MYO3A: variants seen among roughly 807,000 people sequenced by gnomAD.
MYO3A encodes the protein myosin IIIA.
MYO3A carries 180 observed loss-of-function variants against 192.7 expected under a neutral mutation model. The observed-to-expected ratio is 0.93, with a 90% CI of 0.83 to 1.06. The LOEUF (loss-of-function observed/expected upper bound fraction) is 1.06. Ranked by LOEUF, MYO3A falls within the 50% of genes least tolerant of loss-of-function variation. MYO3A has a pLI of 0.00. For missense variants in MYO3A, 1,896 were observed against 1,905.0 expected (o/e 1.00, Z 0.09); for synonymous variants, 628 against 645.3 (o/e 0.97, Z 0.41).
At chr10:26,199,277 G>A (rs979408806) in intron 32 of MYO3A, among the ~76,000 whole-genome samples, 6 of 152,168 alleles carry the variant, frequency 3.9e-5, no homozygotes, top group Non-Finnish European at 5.9e-5. Context: ...ACAAGGCCAC[G>A]CGCAGCGGCT....
Position 26,093,911 on chromosome 10 carries a change from C to T in MYO3A, c.1563-2470C>T, listed in dbSNP as rs558815154. On this transcript the variant is annotated intron_variant, in intron 15 of 34. Coordinates refer to ENST00000642920, the MANE Select transcript of MYO3A (RefSeq NM_017433.5). ...CCTTTTCTTTTGGAATGGAACTATC[C>T]TTCTCTAGTTATATAAGACCCCCCG... Among the ~76,000 whole-genome samples the T allele has an allele frequency of 4.6e-5, 7 of 152,202 alleles. No individual in the cohort carries two copies. In the South Asian group the frequency reaches 1.5e-3, roughly 32 times the overall value.
chr10:25,979,122 A>G (rs1839140063), intron 4 of MYO3A, among the ~76,000 whole-genome samples: 1 of 152,154 alleles, frequency 6.6e-6, no homozygotes, highest in African/African-American at 2.4e-5. Context: ...TTCTGAAGAG[A>G]GCAACTCACT....
At chr10:26,133,348 G>A (rs1839647139) in intron 20 of MYO3A, among the ~76,000 whole-genome samples, 1 of 152,178 alleles carries the variant, frequency 6.6e-6, no homozygotes, top group Non-Finnish European at 1.5e-5. Flanking sequence ...TGATGTCCAC[G>A]TGGTTGGTTG....
intron 7 of MYO3A, among the ~76,000 whole-genome samples, chr10:26,020,996 C>G (rs962140871): frequency 6.6e-6 from 1 of 152,192 alleles, no homozygotes; most frequent in Non-Finnish European, 1.5e-5. Context: ...TTCCTCCAAA[C>G]TTGTCTTATT....
chr10:26,135,699 G>A (rs1299905920), intron 20 of MYO3A, among the ~76,000 whole-genome samples: 1 of 152,098 alleles, frequency 6.6e-6, no homozygotes, highest in Non-Finnish European at 1.5e-5. Flanking sequence ...ACTCGACCGG[G>A]CGCAGTGGCT....
At chr10:26,170,605 A>G (rs756754547) in intron 29 of MYO3A, 66 bp downstream of exon 29, 6 of 1,522,782 alleles carry the variant, frequency 3.9e-6, no homozygotes, top group Admixed American at 1.9e-5. Context: ...AGGTCATAGA[A>G]TAATGTTCAC....
In MYO3A at chr10:26,145,529, G is replaced by A. The variant is rs1840411541; in HGVS notation, c.2500G>A (p.Gly834Arg). ...ELSFGIHHYA[G>R]KVLYNASGFL... Reference sequence around the variant, plus strand: ...TAGTTTTGGAATTCACCATTATGCAGGAAAGGTAAGAACTCTAAAGAATTA... The same window carrying A: ...TAGTTTTGGAATTCACCATTATGCAAGAAAGGTAAGAACTCTAAAGAATTA... Residue 834 changes from glycine to arginine, a missense_variant, in exon 22 of 35, where the codon GGA (glycine) becomes AGA (arginine). Coordinates refer to ENST00000642920, the MANE Select transcript of MYO3A (RefSeq NM_017433.5). The A allele has an allele frequency of 1.4e-5, 22 of 1,584,540 alleles. No homozygotes were observed. The highest frequency in any genetic ancestry group is 1.8e-5 in the Non-Finnish European group (21 of 1,153,240).
intron 6 of MYO3A, among the ~76,000 whole-genome samples, chr10:26,015,956 A>G (rs1267699412): frequency 1.3e-5 from 2 of 152,082 alleles, no homozygotes; most frequent in Admixed American, 1.3e-4. Context: ...GACTTTGGGG[A>G]GGCACTTTTC....
intron 17 of MYO3A, among the ~76,000 whole-genome samples, chr10:26,107,412 CA>C (rs1464097842): frequency 6.9e-6 from 1 of 144,750 alleles, no homozygotes; most frequent in Non-Finnish European, 1.5e-5. Context: ...ACCCGGGAAG[CA>C]GAGGTTGCAA....
Position 26,125,501 on chromosome 10 carries a change from A to G in MYO3A, c.2007A>G (p.Glu669=), listed in dbSNP as rs1839166149. 6.2e-7 allele frequency: 1 copy of G among 1,614,106 alleles called. No individual in the cohort carries two copies. ...CAATTATACGACCCAATACTGTAGAAAAAGCTACCGATGTCAGGGATGCCA... is the reference window on the plus strand; with the variant it reads ...CAATTATACGACCCAATACTGTAGAGAAAGCTACCGATGTCAGGGATGCCA... ...GETIIRPNTV[E]KATDVRDAMA... is the part of the protein sequence containing the mutation. Residue 669 remains glutamate, a synonymous_variant, in exon 19 of 35, where the codon GAA becomes GAG. Transcript: ENST00000642920.
chr10:25,941,433 A>G (rs1367386345), intron 2 of MYO3A, among the ~76,000 whole-genome samples: 1 of 152,222 alleles, frequency 6.6e-6, no homozygotes, highest in African/African-American at 2.4e-5. Context: ...AGTGTAGGAA[A>G]TACGGTTTTG....
intron 6 of MYO3A, among the ~76,000 whole-genome samples, chr10:26,012,543 A>G (rs1462352713): frequency 6.6e-6 from 1 of 152,130 alleles, no homozygotes; most frequent in Non-Finnish European, 1.5e-5. Context: ...AACAGGTGAA[A>G]GATCTCTACA....
intron 4 of MYO3A, among the ~76,000 whole-genome samples, chr10:25,986,439 T>C (rs553490280): frequency 5.9e-5 from 9 of 152,170 alleles, no homozygotes; most frequent in Non-Finnish European, 1.2e-4. Flanking sequence ...GATGATATGA[T>C]CTTATACTTA....
chr10:26,013,357 A>G (rs960878619), intron 6 of MYO3A, among the ~76,000 whole-genome samples: 3 of 152,150 alleles, frequency 2.0e-5, no homozygotes, highest in Admixed American at 2.0e-4. Flanking sequence ...AATGGGAGAC[A>G]ATATTTGGAA....
chr10:26,168,203 C>A (rs1048701352), intron 27 of MYO3A, among the ~76,000 whole-genome samples: 8 of 152,182 alleles, frequency 5.3e-5, no homozygotes, highest in African/African-American at 1.9e-4. Flanking sequence ...AGGACAGTGA[C>A]CTGCCTTGTT....
At chr10:26,131,808 T>C (rs1377013869) in intron 20 of MYO3A, among the ~76,000 whole-genome samples, 1 of 152,188 alleles carries the variant, frequency 6.6e-6, no homozygotes, top group African/African-American at 2.4e-5. Flanking sequence ...TGTATCTCAA[T>C]AGTTTGAAAA....
chr10:26,147,353 T>TTGA (rs758138367), intron 22 of MYO3A, 77 bp from the exon 23 acceptor site: 17 of 1,401,060 alleles, frequency 1.2e-5, no homozygotes, highest in African/African-American at 1.4e-5. Flanking sequence ...GTATCTGTTG[T>TTGA]TGATGATGAT....
intron 17 of MYO3A, among the ~76,000 whole-genome samples, chr10:26,107,267 G>A (rs569315170): frequency 2.6e-5 from 4 of 152,050 alleles, no homozygotes; most frequent in Non-Finnish European, 4.4e-5. Flanking sequence ...GGATCACGAG[G>A]TCAGGAGATC....
chr10:25,987,253 A>T (rs1456788688), intron 4 of MYO3A, among the ~76,000 whole-genome samples: 2 of 152,252 alleles, frequency 1.3e-5, no homozygotes, highest in African/African-American at 2.4e-5. Context: ...GAATCCATAA[A>T]GATTCTAGAA....
Sources: allele counts gnomAD v4.1 joint callset (sites outside exome capture counted in the v4.1 genomes callset), GRCh38; gene constraint gnomAD v4.1.1; transcripts MANE v1.5; gene names NCBI Gene and HGNC (gene_info 2026-07-23, HGNC 2026-07-21).